Variants in SATB2 observed in about 807,000 individuals in gnomAD.
The protein encoded by SATB2 is SATB homeobox 2, also known as DNA-binding protein SATB2.
SATB2 carries 1 observed loss-of-function variant against 73.4 expected under a neutral mutation model. That is an observed-to-expected ratio of 0.01 (90% CI 0.00 to 0.06). The LOEUF (loss-of-function observed/expected upper bound fraction) is 0.06, where lower values mean the gene tolerates loss of function less well. Ranked by LOEUF, SATB2 falls within the 10% of genes least tolerant of loss-of-function variation. The pLI, the probability that SATB2 is intolerant of heterozygous loss-of-function variation, is 1.00. For missense variants in SATB2, 459 were observed against 945.8 expected, an observed-to-expected ratio of 0.49 and a Z score of 6.75; for synonymous variants, 397 against 367.0, an observed-to-expected ratio of 1.08 and a Z score of -0.93.
rs117226849 is a variant in SATB2, at chr2:199,276,123, T to C, written c.1741-3451A>G. 1.1e-4 allele frequency among the ~76,000 whole-genome samples: 16 copies of C among 152,316 alleles called. No homozygotes were observed. In the East Asian group the frequency reaches 3.1e-3, roughly 29 times the overall value. ...CCTAATACCATGTAGTACTTTATTC[T>C]AGTGGTATACGTACTCTGAGTGAAA... On this transcript the variant is annotated intron_variant, in intron 10 of 10. Coordinates refer to ENST00000417098, the MANE Select transcript of SATB2 (RefSeq NM_001172509.2).
chr2:199,350,104 G>A (rs2105824902), intron 6 of SATB2, among the ~76,000 whole-genome samples: 1 of 152,186 alleles, frequency 6.6e-6, no homozygotes, highest in Admixed American at 6.5e-5. Flanking sequence ...GCTTATAGGT[G>A]TAATATAATC....
chr2:199,420,541 A>G (rs776370810), intron 3 of SATB2, among the ~76,000 whole-genome samples: 2 of 152,166 alleles, frequency 1.3e-5, no homozygotes, highest in Admixed American at 6.5e-5. Context: ...TCCTGGTAGA[A>G]TGTGCCACCC....
chr2:199,315,923 A>G (rs1687720488), intron 9 of SATB2, among the ~76,000 whole-genome samples: 1 of 152,096 alleles, frequency 6.6e-6, no homozygotes. Context: ...TAATGAATGA[A>G]TATCTCAGCA....
At chr2:199,429,072 C>T (rs894397589) in intron 3 of SATB2, among the ~76,000 whole-genome samples, 5 of 150,078 alleles carry the variant, frequency 3.3e-5, no homozygotes, top group Non-Finnish European at 7.4e-5. Context: ...TTGGTTTATA[C>T]ATTACAGGGG....
In SATB2 at chr2:199,441,194, A is replaced by G. The variant is rs542118406; in HGVS notation, c.170-7680T>C. Reference sequence around the variant, plus strand: ...AACTGAGCCATACATACAATAATTCAATTTCATATTTACCCATGACCCAGG... The same window carrying G: ...AACTGAGCCATACATACAATAATTCGATTTCATATTTACCCATGACCCAGG... On this transcript the variant is annotated intron_variant, in intron 2 of 10. Coordinates refer to ENST00000417098, the MANE Select transcript of SATB2 (RefSeq NM_001172509.2). Among the ~76,000 whole-genome samples the G allele has an allele frequency of 1.1e-3, 174 of 152,220 alleles. 1 individual carries two copies. In the South Asian group the frequency reaches 0.016, roughly 14 times the overall value.
intron 7 of SATB2, among the ~76,000 whole-genome samples, chr2:199,329,844 T>TA (rs775628042): frequency 6.6e-6 from 1 of 152,156 alleles, no homozygotes; most frequent in Non-Finnish European, 1.5e-5. Flanking sequence ...GACATTGTCG[T>TA]ACTGGGGGTA....
Position 199,338,500 on chromosome 2 carries a change from G to A in SATB2, c.1174-9590C>T, listed in dbSNP as rs142687626. Among the ~76,000 whole-genome samples, 4 of 152,228 alleles carry A rather than the reference G, an allele frequency of 2.6e-5. No homozygotes were observed. The East Asian group carries it at 5.8e-4, about 22-fold the overall frequency. ...AGTCAATCATTCCCTGTTAGAGAATGGTGAAACAAGCTTATAAAACTTACC... is the reference window on the plus strand; with the variant it reads ...AGTCAATCATTCCCTGTTAGAGAATAGTGAAACAAGCTTATAAAACTTACC... On this transcript the variant is annotated intron_variant, in intron 7 of 10. Transcript: ENST00000417098.
At chr2:199,385,385 A>T (rs894674329) in intron 3 of SATB2, among the ~76,000 whole-genome samples, 2 of 152,010 alleles carry the variant, frequency 1.3e-5, no homozygotes, top group African/African-American at 4.8e-5. Flanking sequence ...CTATCTGCCC[A>T]CCTCAGCCTT....
intron 6 of SATB2, among the ~76,000 whole-genome samples, chr2:199,362,342 G>A (rs146369843): frequency 1.8e-4 from 28 of 151,472 alleles, no homozygotes; most frequent in African/African-American, 6.5e-4. Context: ...TTCATGCGCT[G>A]TCTCTCCCTA....
intron 2 of SATB2, among the ~76,000 whole-genome samples, chr2:199,437,278 T>C (rs1691680906): frequency 6.6e-6 from 1 of 152,204 alleles, no homozygotes; most frequent in African/African-American, 2.4e-5. Flanking sequence ...CTCAGCCATT[T>C]GCTAAAAATG....
At position 199,409,902 on chromosome 2, in the gene SATB2, C is replaced by G. The variant is rs961359295; in HGVS notation, c.346+23436G>C. 4.6e-5 allele frequency among the ~76,000 whole-genome samples: 7 copies of G among 152,128 alleles called. No individual in the cohort carries two copies. The South Asian group carries it at 1.5e-3, about 32-fold the overall frequency. ...CAATGTAATGATACTCCTGCTAAGT[C>G]TGGATTTAATTACAAATCAACAAAG... is the stretch of plus-strand genomic sequence containing the variant. On this transcript the variant is annotated intron_variant, in intron 3 of 10. Transcript: ENST00000417098.
At chr2:199,354,216 T>C (rs1013261769) in intron 6 of SATB2, among the ~76,000 whole-genome samples, 1 of 151,858 alleles carries the variant, frequency 6.6e-6, no homozygotes, top group Non-Finnish European at 1.5e-5. Context: ...ATTAGCCAGG[T>C]GTGGTGGCTC....
chr2:199,386,867 T>TCCCCAATA (rs1013380416), intron 3 of SATB2, among the ~76,000 whole-genome samples: 1 of 152,032 alleles, frequency 6.6e-6, no homozygotes, highest in Non-Finnish European at 1.5e-5. Context: ...AGAGTACTGA[T>TCCCCAATA]CCCCAATATT....
At chr2:199,397,385 A>G (rs1339397901) in intron 3 of SATB2, 1 of 152,308 alleles carries the variant, frequency 6.6e-6, no homozygotes, top group African/African-American at 2.4e-5. Flanking sequence ...ATTTATAATC[A>G]AAGTCATTCA....
chr2:199,422,597 T>C (rs903109183), intron 3 of SATB2, among the ~76,000 whole-genome samples: 18 of 152,186 alleles, frequency 1.2e-4, no homozygotes, highest in African/African-American at 3.1e-4. Flanking sequence ...CTAGACTCAA[T>C]TGACAGATTA....
rs371454074 is a variant in SATB2, at chr2:199,396,757, T to C, written c.347-14937A>G. 4.6e-5 allele frequency: 7 copies of C among 152,276 alleles called. No homozygotes were observed. In the East Asian group the frequency reaches 9.7e-4, roughly 21 times the overall value. The allele number at this position is 152,276 out of a possible 1,614,324, so 9.4% of individuals were successfully genotyped here. On this transcript the variant is annotated intron_variant, in intron 3 of 10. Transcript: ENST00000417098. The stretch of plus-strand genomic sequence containing the variant: ...TTCATTTCTGCTTTAATGGAAAAGA[T>C]CCGGGTTCACACTAATCAGGCCCAA...
rs1292476224 is a variant in SATB2, at chr2:199,457,173, A to T, written c.-60+166T>A. The stretch of plus-strand genomic sequence containing the variant: ...GTGGCAGGGGGAGGTGAAAGGAAGG[A>T]TGCGAGATGAAGACACGGAGCAGGA... On this transcript the variant is annotated intron_variant, in intron 1 of 10. Coordinates refer to ENST00000417098, the MANE Select transcript of SATB2 (RefSeq NM_001172509.2). The surrounding 1 kb of genome is among the most constrained non-coding windows in gnomAD (Gnocchi z 4.8). Among the ~76,000 whole-genome samples the T allele has an allele frequency of 2.6e-5, 4 of 152,168 alleles. No individual in the cohort carries two copies. Among genetic ancestry groups the T allele is most frequent in the Admixed American group, 1.3e-4 (2 of 15,290 alleles).
intron 7 of SATB2, among the ~76,000 whole-genome samples, chr2:199,330,464 G>C (rs181611452): frequency 3.3e-5 from 5 of 152,292 alleles, no homozygotes; most frequent in Admixed American, 6.5e-5. Context: ...TTTTGTGTGC[G>C]TCTGTGTCTG....
intron 10 of SATB2, among the ~76,000 whole-genome samples, chr2:199,293,208 A>G (rs1253990410): frequency 6.6e-6 from 1 of 152,200 alleles, no homozygotes. Flanking sequence ...GTAGTATGGT[A>G]GCAAAGAAAT....
Sources: gnomAD v4.1 joint callset for allele counts (sites outside exome capture counted in the v4.1 genomes callset) on GRCh38, gnomAD v4.1.1 for gene constraint, Gnocchi (gnomAD v3.1) non-coding constraint, MANE v1.5 for transcripts, NCBI Gene and HGNC (gene_info 2026-07-23, HGNC 2026-07-21) for gene names.